The following TMEM135 variants were observed in gnomAD, a reference collection of about 807,000 sequenced individuals.
The protein encoded by TMEM135 is peroxisomal membrane protein 52.
In TMEM135, 30 loss-of-function variants were observed where a neutral mutation model predicts 60.3. The observed-to-expected ratio is 0.50, with a 90% CI of 0.37 to 0.68. The LOEUF (loss-of-function observed/expected upper bound fraction) is 0.68. Among genes scored for constraint, TMEM135 ranks in the 30% least tolerant of loss-of-function variants. TMEM135 has a pLI of 0.00. For missense variants in TMEM135, 468 were observed against 548.8 expected, an observed-to-expected ratio of 0.85 and a Z score of 1.47; for synonymous variants, 190 against 186.7, an observed-to-expected ratio of 1.02 and a Z score of -0.14.
At chr11:87,208,829 A>T (rs1940297291) in intron 5 of TMEM135, among the ~76,000 whole-genome samples, 1 of 152,224 alleles carries the variant, frequency 6.6e-6, no homozygotes. Context: ...GGGGCAGGTC[A>T]CTTACAATGG....
chr11:87,318,861 G>C lies in TMEM135; in HGVS notation c.1177-449G>C, dbSNP rs150960783. ...TTCACTTAATTATTATTTCAAAAGT[G>C]ACTTTTTTTTTTCTTTTTTTTTTTT... On this transcript the variant is annotated intron_variant, in intron 13 of 14. Coordinates refer to ENST00000305494, the MANE Select transcript of TMEM135 (RefSeq NM_022918.4). Among the ~76,000 whole-genome samples the C allele has an allele frequency of 8.5e-3, 1,267 of 149,236 alleles. 9 individuals carry two copies. The highest frequency in any genetic ancestry group is 0.013 in the Non-Finnish European group (894 of 67,390).
intron 5 of TMEM135, among the ~76,000 whole-genome samples, chr11:87,220,803 G>T (rs1280857675): frequency 6.6e-6 from 1 of 152,014 alleles, no homozygotes; most frequent in East Asian, 1.9e-4. Flanking sequence ...TGATTAAAAA[G>T]AATTTTTAAA....
At chr11:87,219,418 A>G (rs1940570508) in intron 5 of TMEM135, among the ~76,000 whole-genome samples, 1 of 149,002 alleles carries the variant, frequency 6.7e-6, no homozygotes, top group South Asian at 2.3e-4. Context: ...CCTTCTTGGT[A>G]TTTCCTTACA....
intron 1 of TMEM135, among the ~76,000 whole-genome samples, chr11:87,058,005 A>G (rs1050031052): frequency 6.6e-6 from 1 of 152,206 alleles, no homozygotes; most frequent in Admixed American, 6.5e-5. Context: ...TGTAGACCCA[A>G]GAAGAACTGG....
chr11:87,327,056 G>T lies in TMEM135; in HGVS notation c.*5723G>T, dbSNP rs1318373286. On this transcript the variant is annotated 3_prime_UTR_variant, in exon 15 of 15. Coordinates refer to ENST00000305494, the MANE Select transcript of TMEM135 (RefSeq NM_022918.4). The stretch of plus-strand genomic sequence containing the variant: ...CTGATGTTGTTTAAGACAGTTACAT[G>T]CCTAGCCCCAGGGATGAATCATAAT... 1 of 453,690 alleles carries T rather than the reference G, an allele frequency of 2.2e-6. No homozygotes were observed. Among genetic ancestry groups the T allele is most frequent in the Non-Finnish European group, 4.4e-6 (1 of 226,778 alleles). 28.1% of individuals were successfully genotyped at this position (453,690 alleles called of 1,614,324 possible). A position where few individuals can be genotyped will look rare whatever the true frequency, so the allele number is the denominator to read the frequency against.
Position 87,321,208 on chromosome 11 carries a change from G to C in TMEM135, c.1252G>C (p.Val418Leu). 1 of 1,612,822 alleles carries C rather than the reference G, an allele frequency of 6.2e-7. No homozygotes were observed. The highest frequency in any genetic ancestry group is 2.2e-5 in the East Asian group (1 of 44,844). ...LLRLTKGKFAVMNRKVLDVFG... is the reference protein window; with the variant it reads ...LLRLTKGKFALMNRKVLDVFG... ...GTATTCTTTGTTTTACAGATTTGCTGTCATGAACCGAAAAGTCCTTGATGT... is the reference window on the plus strand; with the variant it reads ...GTATTCTTTGTTTTACAGATTTGCTCTCATGAACCGAAAAGTCCTTGATGT... The change falls in exon 15 of 15, where the codon GTC becomes CTC. Residue 418 changes from valine to leucine, a missense_variant. Coordinates refer to ENST00000305494, the MANE Select transcript of TMEM135 (RefSeq NM_022918.4).
intron 4 of TMEM135, among the ~76,000 whole-genome samples, chr11:87,131,595 A>G (rs1259395870): frequency 1.3e-5 from 2 of 152,166 alleles, no homozygotes; most frequent in Non-Finnish European, 2.9e-5. Flanking sequence ...TATACTGCAT[A>G]GTGATTATTA....
At chr11:87,154,045 A>G (rs897555435) in intron 4 of TMEM135, among the ~76,000 whole-genome samples, 8 of 152,182 alleles carry the variant, frequency 5.3e-5, no homozygotes, top group African/African-American at 1.9e-4. Context: ...CATTAAGTAA[A>G]TTCACATTGT....
chr11:87,170,832 ACT>A (rs1939216976), intron 5 of TMEM135, among the ~76,000 whole-genome samples: 1 of 152,086 alleles, frequency 6.6e-6, no homozygotes, highest in South Asian at 2.1e-4. Context: ...TGGGCGATCC[ACT>A]GCTCTCTTCA....
At chr11:87,103,946 C>T (rs1483937722) in intron 4 of TMEM135, among the ~76,000 whole-genome samples, 2 of 152,032 alleles carry the variant, frequency 1.3e-5, no homozygotes, top group African/African-American at 4.8e-5. Flanking sequence ...GATATAATCC[C>T]ATTTGTCTAT....
At chr11:87,105,847 C>T (rs572630906) in intron 4 of TMEM135, among the ~76,000 whole-genome samples, 3 of 152,072 alleles carry the variant, frequency 2.0e-5, no homozygotes, top group Non-Finnish European at 4.4e-5. Flanking sequence ...AGTCACTCAC[C>T]CTACTGTGCT....
intron 6 of TMEM135, among the ~76,000 whole-genome samples, chr11:87,255,840 C>CT (rs1303547921): frequency 1.3e-5 from 2 of 151,928 alleles, no homozygotes; most frequent in Admixed American, 6.6e-5. Flanking sequence ...AAGAGGAGGT[C>CT]TTCAGTATTT....
At chr11:87,064,354 G>T (rs1457883697) in intron 1 of TMEM135, among the ~76,000 whole-genome samples, 4 of 151,472 alleles carry the variant, frequency 2.6e-5, no homozygotes, top group African/African-American at 4.9e-5. Flanking sequence ...TTCTTCAAGA[G>T]ATTCAGTTAA....
chr11:87,322,909 G>T lies in TMEM135; in HGVS notation c.*1576G>T. On this transcript the variant is annotated 3_prime_UTR_variant, in exon 15 of 15. Coordinates refer to ENST00000305494, the MANE Select transcript of TMEM135 (RefSeq NM_022918.4). ...GGCAATGCTGTTAAAGGATCATTTC[G>T]GTTTCAGACTTCAAAGTTGATTAAT... The T allele has an allele frequency of 2.2e-6, 1 of 454,222 alleles. No individual in the cohort carries two copies. Among genetic ancestry groups the T allele is most frequent in the Non-Finnish European group, 4.4e-6 (1 of 226,672 alleles). 28.1% of individuals were successfully genotyped at this position (454,222 alleles called of 1,614,324 possible).
chr11:87,245,949 AT>A (rs1245742113), intron 6 of TMEM135, among the ~76,000 whole-genome samples: 5 of 115,704 alleles, frequency 4.3e-5, no homozygotes, highest in Non-Finnish European at 9.5e-5. Context: ...CCTAGCCTCA[AT>A]GGTCTTTACA....
intron 5 of TMEM135, among the ~76,000 whole-genome samples, chr11:87,231,304 A>T (rs1463904519): frequency 6.6e-6 from 1 of 152,148 alleles, no homozygotes; most frequent in East Asian, 1.9e-4. Flanking sequence ...AATCTGAAGA[A>T]TTAGAGGTTT....
intron 4 of TMEM135, among the ~76,000 whole-genome samples, chr11:87,146,358 A>C (rs186940464): frequency 6.6e-6 from 1 of 152,122 alleles, no homozygotes; most frequent in Non-Finnish European, 1.5e-5. Flanking sequence ...AGTCTCAAAA[A>C]CAAAAATTGG....
At chr11:87,237,845 C>A (rs1038576046) in intron 6 of TMEM135, among the ~76,000 whole-genome samples, 2 of 151,832 alleles carry the variant, frequency 1.3e-5, no homozygotes, top group Admixed American at 1.3e-4. Context: ...TGGTAACCAT[C>A]ATTCTACTCT....
chr11:87,083,510 G>T (rs1162783102), intron 3 of TMEM135, among the ~76,000 whole-genome samples: 1 of 152,170 alleles, frequency 6.6e-6, no homozygotes, highest in African/African-American at 2.4e-5. Context: ...ATACTCATTT[G>T]TTGAATTATT....
Sources: allele counts gnomAD v4.1 joint callset (sites outside exome capture counted in the v4.1 genomes callset), GRCh38; gene constraint gnomAD v4.1.1; transcripts MANE v1.5; gene names NCBI Gene and HGNC (gene_info 2026-07-23, HGNC 2026-07-21).